MDN1: variants seen among roughly 807,000 people sequenced by gnomAD.
MDN1 encodes midasin.
In MDN1, 266 loss-of-function variants were observed where a neutral mutation model predicts 669.2. The observed-to-expected ratio is 0.40, with a 90% CI of 0.36 to 0.44. The LOEUF (loss-of-function observed/expected upper bound fraction) is 0.44. Ranked by LOEUF, MDN1 falls within the 20% of genes least tolerant of loss-of-function variation. The pLI is 1.00. For missense variants in MDN1, 5,940 were observed against 6,754.0 expected (o/e 0.88, Z 4.22); for synonymous variants, 2,385 against 2,457.1 (o/e 0.97, Z 0.87).
intron 7 of MDN1, 130 bp downstream of exon 7, chr6:89,789,650 G>C (rs1819146166): frequency 9.4e-7 from 1 of 1,066,028 alleles, no homozygotes; most frequent in African/African-American, 1.6e-5. Context: ...TAACCATGAA[G>C]TACCTGCAAC....
At chr6:89,782,045 T>C (rs976998293) in intron 9 of MDN1, among the ~76,000 whole-genome samples, 2 of 151,974 alleles carry the variant, frequency 1.3e-5, no homozygotes, top group Non-Finnish European at 1.5e-5. Flanking sequence ...AATAAGAACT[T>C]CCCCCTTACT....
At position 89,749,876 on chromosome 6, in the gene MDN1, G is replaced by A. The variant is rs182292744; in HGVS notation, c.3407-125C>T. On this transcript the variant is annotated intron_variant, in intron 24 of 101. Transcript: ENST00000369393. ...CAAAGCAAATTACTTTCTGTAGCTA[G>A]TCTTGCCTCAAAACAAATTATGACA... 1.6e-5 allele frequency: 12 copies of A among 771,436 alleles called. No individual in the cohort carries two copies. In the East Asian group the frequency reaches 3.2e-4, roughly 21 times the overall value. The allele number at this position is 771,436 out of a possible 1,614,324, so 47.8% of individuals were successfully genotyped here.
Position 89,754,240 on chromosome 6 carries a change from G to A in MDN1, c.2817-10C>T. The A allele has an allele frequency of 6.2e-7, 1 of 1,608,798 alleles. No individual in the cohort carries two copies. The highest frequency in any genetic ancestry group is 1.1e-5 in the South Asian group (1 of 90,258). ...CAAAGCTGTGTAGAAGCTACAAATAGAATAAAGGTCAGGCAATTTTATTTA... is the reference window on the plus strand; with the variant it reads ...CAAAGCTGTGTAGAAGCTACAAATAAAATAAAGGTCAGGCAATTTTATTTA... On this transcript the variant is annotated splice_polypyrimidine_tract_variant and intron_variant, in intron 20 of 101. Coordinates refer to ENST00000369393, the MANE Select transcript of MDN1 (RefSeq NM_014611.3).
At chr6:89,735,362 C>T (rs1193216902) in intron 33 of MDN1, among the ~76,000 whole-genome samples, 3 of 144,710 alleles carry the variant, frequency 2.1e-5, no homozygotes, top group African/African-American at 7.7e-5. Context: ...ACATCAATAT[C>T]ACAGAACCTT....
chr6:89,706,720 C>A (rs527955602), intron 52 of MDN1, among the ~76,000 whole-genome samples: 1 of 151,400 alleles, frequency 6.6e-6, no homozygotes, highest in African/African-American at 2.4e-5. Context: ...TAATGTCTCA[C>A]GGAAAAATGC....
intron 2 of MDN1, among the ~76,000 whole-genome samples, chr6:89,798,901 T>C (rs1478033189): frequency 6.6e-6 from 1 of 152,202 alleles, no homozygotes; most frequent in Non-Finnish European, 1.5e-5. Flanking sequence ...CATTCTGTAT[T>C]GTTGAATGTT....
intron 29 of MDN1, among the ~76,000 whole-genome samples, chr6:89,743,963 C>T (rs573803664): frequency 1.3e-5 from 2 of 152,102 alleles, no homozygotes; most frequent in South Asian, 2.1e-4. Context: ...ACCAGCTGGG[C>T]GCAGTGCCTC....
rs747688848 is a variant in MDN1, at chr6:89,688,551, C to T, written c.11259+22G>A. On this transcript the variant is annotated intron_variant, in intron 66 of 101. Transcript: ENST00000369393. The stretch of plus-strand genomic sequence containing the variant: ...TTGCAGACTCAGTACTGTGAGCACT[C>T]CTTCCTCAACAGCTGCCCTACCTGT... The T allele has an allele frequency of 1.7e-5, 28 of 1,603,516 alleles. No individual in the cohort carries two copies. In the South Asian group the frequency reaches 3.1e-4, roughly 18 times the overall value.
At chr6:89,740,174 C>A in intron 32 of MDN1, 60 bp downstream of exon 32, 3 of 1,563,080 alleles carry the variant, frequency 1.9e-6, no homozygotes, top group Non-Finnish European at 1.7e-6. Context: ...ACTATATTTA[C>A]GAGTACCAGT....
At chr6:89,659,664 C>T (rs895104671) in intron 88 of MDN1, among the ~76,000 whole-genome samples, 2 of 151,662 alleles carry the variant, frequency 1.3e-5, no homozygotes, top group Non-Finnish European at 2.9e-5. Flanking sequence ...AACAAACAAA[C>T]AAAAAAACAC....
At chr6:89,813,208 GGT>G (rs888857092) in intron 1 of MDN1, among the ~76,000 whole-genome samples, 6 of 152,128 alleles carry the variant, frequency 3.9e-5, no homozygotes, top group Non-Finnish European at 8.8e-5. Context: ...CCAAAGTGCT[GGT>G]ACAGGCCTGA....
intron 97 of MDN1, among the ~76,000 whole-genome samples, chr6:89,649,554 T>C (rs1431505893): frequency 6.6e-6 from 1 of 152,256 alleles, no homozygotes; most frequent in East Asian, 1.9e-4. Flanking sequence ...ATATTAGCAC[T>C]GATAGAACAA....
At position 89,732,687 on chromosome 6, in the gene MDN1, ATC is replaced by A. The variant is rs1183613236; in HGVS notation, c.4810_4811del (p.Asp1604TyrfsTer6). The A allele has an allele frequency of 1.9e-6, 3 of 1,613,976 alleles. No homozygotes were observed. Among genetic ancestry groups the A allele is most frequent in the Non-Finnish European group, 2.5e-6 (3 of 1,180,010 alleles). ...TCATGAAGTTAACCCAGGACAGGAT[ATC>A]TCTGATACTGACCACACACTTTCTG... ...FGRKCVVSIR[D>X]ILSWVNFMNK... On this transcript the variant is annotated frameshift_variant, in exon 34 of 102. Transcript: ENST00000369393. LOFTEE classifies it high-confidence loss of function.
At chr6:89,662,671 A>C in intron 86 of MDN1, 121 bp downstream of exon 86, 1 of 1,165,040 alleles carries the variant, frequency 8.6e-7, no homozygotes, top group Non-Finnish European at 1.2e-6. Context: ...AAAAAGAGGA[A>C]TAGAAAAAAG....
chr6:89,702,266 C>CA (rs1813210167), intron 53 of MDN1, among the ~76,000 whole-genome samples: 1 of 152,114 alleles, frequency 6.6e-6, no homozygotes, highest in African/African-American at 2.4e-5. Flanking sequence ...GTAAGGCAGA[C>CA]AGAGGAGGTG....
chr6:89,663,657 C>T (rs1278538517), intron 85 of MDN1, among the ~76,000 whole-genome samples: 1 of 151,996 alleles, frequency 6.6e-6, no homozygotes, highest in Non-Finnish European at 1.5e-5. Flanking sequence ...AAAGCAGGCC[C>T]AGTGCGGTGG....
In MDN1 at chr6:89,774,088, C is replaced by T. The variant is rs138987724; in HGVS notation, c.1934+533G>A. Among the ~76,000 whole-genome samples, 1,421 of 152,234 alleles carry T rather than the reference C, an allele frequency of 9.3e-3. 16 individuals are homozygous for T. Among genetic ancestry groups the T allele is most frequent in the African/African-American group, 0.03 (1,234 of 41,530 alleles). ...CTGTCGAAACCTTGATTTTACACTT[C>T]CAGCCTCCAGGACTGTGAAAGAATA... On this transcript the variant is annotated intron_variant, in intron 13 of 101. Coordinates refer to ENST00000369393, the MANE Select transcript of MDN1 (RefSeq NM_014611.3).
chr6:89,680,224 G>C (rs149574137), intron 74 of MDN1, among the ~76,000 whole-genome samples: 1 of 152,198 alleles, frequency 6.6e-6, no homozygotes, highest in East Asian at 1.9e-4. Flanking sequence ...AAGAGGATGG[G>C]GATGAATCCT....
At position 89,819,664 on chromosome 6, in the gene MDN1, C is replaced by T; in HGVS notation, c.-57G>A. 6.8e-7 allele frequency: 1 copy of T among 1,464,282 alleles called. No homozygotes were observed. Among genetic ancestry groups the T allele is most frequent in the Non-Finnish European group, 9.4e-7 (1 of 1,058,490 alleles). The allele number at this position is 1,464,282 out of a possible 1,614,324, so 90.7% of individuals were successfully genotyped here. ...GCGCTCCCTACTTCGCGGCCAGCGT[C>T]CCCAAGCCGCCGAGGTCCCAGTGCC... On this transcript the variant is annotated 5_prime_UTR_variant, in exon 1 of 102. Transcript: ENST00000369393.
Sources: gnomAD v4.1 joint callset for allele counts (sites outside exome capture counted in the v4.1 genomes callset) on GRCh38, gnomAD v4.1.1 for gene constraint, MANE v1.5 for transcripts, NCBI Gene and HGNC (gene_info 2026-07-23, HGNC 2026-07-21) for gene names.